The following SGMS1 variants were observed in gnomAD, a reference collection of about 807,000 sequenced individuals.
SGMS1 encodes the protein sphingomyelin synthase 1.
Under a neutral mutation model 46.2 loss-of-function variants are expected in SGMS1, and 13 were observed. The ratio of observed to expected loss-of-function variants is 0.28; its 90% CI spans 0.18 to 0.45. The LOEUF is 0.45. SGMS1 is among the 20% of genes least tolerant of loss of function. SGMS1 has a pLI of 1.00. For missense variants in SGMS1, 324 were observed against 519.9 expected (o/e 0.62, Z 3.66); for synonymous variants, 203 against 187.8 (o/e 1.08, Z -0.66).
rs1421730465 is a variant in SGMS1, at chr10:50,574,084, AG to A, written c.-589+16068del. On this transcript the variant is annotated intron_variant, in intron 2 of 10. Coordinates refer to ENST00000361781, the MANE Select transcript of SGMS1 (RefSeq NM_147156.4). Reference sequence around the variant, plus strand: ...CTATACAATTCTTAGAAGAAAACACAGGGGGGAAGCTTCTTGATATTAGATT... The same window carrying A: ...CTATACAATTCTTAGAAGAAAACACAGGGGGAAGCTTCTTGATATTAGATT... 3.3e-5 allele frequency among the ~76,000 whole-genome samples: 5 copies of A among 152,274 alleles called. No homozygotes were observed. The South Asian group carries it at 8.3e-4, about 25-fold the overall frequency.
chr10:50,392,094 C>T lies in SGMS1; in HGVS notation c.-232+41382G>A, dbSNP rs1848777767. On this transcript the variant is annotated intron_variant, in intron 6 of 10. Transcript: ENST00000361781. The stretch of plus-strand genomic sequence containing the variant: ...TACCTGTCGAGTACTATACTTATTA[C>T]CTGGTTGATGAAATGGTCTGTACGC... Among the ~76,000 whole-genome samples the T allele has an allele frequency of 2.0e-5, 3 of 151,832 alleles. No homozygotes were observed. The South Asian group carries it at 6.2e-4, about 32-fold the overall frequency.
At chr10:50,445,014 GAA>G (rs964544951) in intron 5 of SGMS1, among the ~76,000 whole-genome samples, 4 of 152,112 alleles carry the variant, frequency 2.6e-5, no homozygotes, top group Non-Finnish European at 4.4e-5. Flanking sequence ...TTTAATTTTT[GAA>G]AAGTCACACA....
At chr10:50,311,528 C>T in intron 8 of SGMS1, 113 bp from the exon 9 acceptor site, 1 of 1,159,906 alleles carries the variant, frequency 8.6e-7, no homozygotes, top group South Asian at 1.6e-5. Flanking sequence ...AACATAAAAT[C>T]CCCACCAGGA....
chr10:50,537,581 T>C (rs1838013791), intron 2 of SGMS1, among the ~76,000 whole-genome samples: 1 of 151,954 alleles, frequency 6.6e-6, no homozygotes, highest in African/African-American at 2.4e-5. Context: ...ACATTAGGTA[T>C]ATCTCTTAAT....
chr10:50,351,611 A>G (rs566531405), intron 6 of SGMS1, among the ~76,000 whole-genome samples: 11 of 152,174 alleles, frequency 7.2e-5, no homozygotes, highest in Non-Finnish European at 1.6e-4. Context: ...AATAAGTCTC[A>G]TGAGATCTGA....
At chr10:50,611,366 C>T (rs1838747583) in intron 1 of SGMS1, among the ~76,000 whole-genome samples, 1 of 152,200 alleles carries the variant, frequency 6.6e-6, no homozygotes. Context: ...TGGTTATTAT[C>T]CCCATTTCAC....
chr10:50,372,704 A>AAAAACAAAAAACAC (rs1848459457), intron 6 of SGMS1, among the ~76,000 whole-genome samples: 2 of 152,100 alleles, frequency 1.3e-5, no homozygotes, highest in Admixed American at 1.3e-4. Flanking sequence ...AAAAAAAACA[A>AAAAACAAAAAACAC]AAAACACACA....
intron 5 of SGMS1, among the ~76,000 whole-genome samples, chr10:50,458,337 CTCTTTTTTT>C (rs1837218493): frequency 3.5e-5 from 3 of 84,764 alleles, no homozygotes; most frequent in African/African-American, 1.3e-4. Context: ...TTTTCTTTTT[CTCTTTTTTT>C]TTTTTTTTTT....
intron 3 of SGMS1, among the ~76,000 whole-genome samples, chr10:50,486,338 C>T (rs1330734352): frequency 3.9e-5 from 6 of 152,092 alleles, no homozygotes; most frequent in Non-Finnish European, 7.4e-5. Context: ...CTAAAGAGCT[C>T]CTGCACAGCA....
At chr10:50,428,007 G>A (rs137855142) in intron 6 of SGMS1, among the ~76,000 whole-genome samples, 1 of 152,206 alleles carries the variant, frequency 6.6e-6, no homozygotes, top group African/African-American at 2.4e-5. Flanking sequence ...GTGTGTGCAT[G>A]TGTGTGTATG....
chr10:50,584,392 G>A (rs1204310965), intron 2 of SGMS1, among the ~76,000 whole-genome samples: 1 of 151,616 alleles, frequency 6.6e-6, no homozygotes, highest in Non-Finnish European at 1.5e-5. Context: ...CCAGCTACTT[G>A]GGAGGCTGAA....
At chr10:50,621,564 T>C (rs1838849973) in intron 1 of SGMS1, among the ~76,000 whole-genome samples, 1 of 152,252 alleles carries the variant, frequency 6.6e-6, no homozygotes, top group African/African-American at 2.4e-5. Flanking sequence ...ATGTATTGAA[T>C]ACAAGTTAGA....
At chr10:50,400,446 T>C (rs937508996) in intron 6 of SGMS1, among the ~76,000 whole-genome samples, 10 of 117,504 alleles carry the variant, frequency 8.5e-5, no homozygotes, top group Non-Finnish European at 1.3e-4. Context: ...TATATATATA[T>C]ATATATAGCT....
intron 3 of SGMS1, among the ~76,000 whole-genome samples, chr10:50,510,822 T>A (rs1837747345): frequency 6.6e-6 from 1 of 152,222 alleles, no homozygotes; most frequent in Non-Finnish European, 1.5e-5. Context: ...TTTTACATGT[T>A]CTTTGTTGTT....
At chr10:50,549,856 A>G (rs549004968) in intron 2 of SGMS1, among the ~76,000 whole-genome samples, 7 of 152,352 alleles carry the variant, frequency 4.6e-5, no homozygotes, top group East Asian at 1.9e-4. Context: ...TCAAAAACAA[A>G]TAAGTATTCC....
intron 5 of SGMS1, among the ~76,000 whole-genome samples, chr10:50,434,354 C>G (rs1156857325): frequency 6.6e-6 from 1 of 152,142 alleles, no homozygotes; most frequent in Non-Finnish European, 1.5e-5. Flanking sequence ...ATGTGAAGAA[C>G]GTGTGGCTCC....
chr10:50,317,820 T>TTTTG (rs1554921832), intron 8 of SGMS1, among the ~76,000 whole-genome samples: 2 of 151,024 alleles, frequency 1.3e-5, no homozygotes, highest in African/African-American at 2.4e-5. Context: ...TTTTTTTTTT[T>TTTTG]AGACAGTCTC....
intron 6 of SGMS1, among the ~76,000 whole-genome samples, chr10:50,360,429 A>C (rs1456377876): frequency 6.6e-6 from 1 of 152,220 alleles, no homozygotes; most frequent in Non-Finnish European, 1.5e-5. Context: ...GCAGGTTGTC[A>C]TTACAATAAA....
intron 1 of SGMS1, among the ~76,000 whole-genome samples, chr10:50,601,051 C>A (rs1450141561): frequency 1.3e-5 from 2 of 152,124 alleles, no homozygotes; most frequent in Non-Finnish European, 2.9e-5. Context: ...ACATGATCAT[C>A]CTTGCAGTTT....
Sources: allele counts gnomAD v4.1 joint callset (sites outside exome capture counted in the v4.1 genomes callset), GRCh38; gene constraint gnomAD v4.1.1; transcripts MANE v1.5; gene names NCBI Gene and HGNC (gene_info 2026-07-23, HGNC 2026-07-21).